The following VPS53 variants were observed in gnomAD, a reference collection of about 807,000 sequenced individuals.
VPS53 encodes vacuolar protein sorting-associated protein 53 homolog.
VPS53 carries 70 observed loss-of-function variants against 107.0 expected under a neutral mutation model. The ratio of observed to expected loss-of-function variants is 0.65; its 90% CI spans 0.54 to 0.80. VPS53 has a LOEUF of 0.80. Ranked by LOEUF, VPS53 falls within the 30% of genes least tolerant of loss-of-function variation. The pLI, the probability that VPS53 is intolerant of heterozygous loss-of-function variation, is 0.00. For synonymous variants in VPS53, 409 were observed against 393.3 expected, an observed-to-expected ratio of 1.04 and a Z score of -0.47; for missense variants, 917 against 1,049.4, an observed-to-expected ratio of 0.87 and a Z score of 1.74.
At chr17:647,646 G>GT (rs746819202) in intron 7 of VPS53, among the ~76,000 whole-genome samples, 4 of 152,146 alleles carry the variant, frequency 2.6e-5, no homozygotes, top group Non-Finnish European at 4.4e-5. Context: ...GTCTGATAAG[G>GT]TGATCAGCTG....
In VPS53 at chr17:516,290, G is replaced by T. The variant is rs1331398425; in HGVS notation, c.*2838C>A. 1.3e-5 allele frequency: 2 copies of T among 152,064 alleles called. No homozygotes were observed. The highest frequency in any genetic ancestry group is 2.9e-5 in the Non-Finnish European group (2 of 68,010). 9.4% of individuals were successfully genotyped at this position (152,064 alleles called of 1,614,324 possible). A position where few individuals can be genotyped will look rare whatever the true frequency, so the allele number is the denominator to read the frequency against. On this transcript the variant is annotated 3_prime_UTR_variant, in exon 22 of 22. Coordinates refer to ENST00000437048, the MANE Select transcript of VPS53 (RefSeq NM_001128159.3). ...CAGTGGTTCTTAACAAGGTGTAAAC[G>T]TTATAACTACCTATGGAACTTTTAA...
chr17:595,975 G>A (rs926014186), intron 12 of VPS53, among the ~76,000 whole-genome samples: 2 of 151,456 alleles, frequency 1.3e-5, no homozygotes, highest in African/African-American at 4.9e-5. Context: ...TCCCCCTGGA[G>A]GAAGCTGGGA....
Position 599,770 on chromosome 17 carries a change from AAAAAACAAAAAC to A in VPS53, c.1218+2013_1218+2024del, listed in dbSNP as rs1218178121. On this transcript the variant is annotated intron_variant, in intron 12 of 21. Transcript: ENST00000437048. ...CAATAAAAAATAAATAAATTAAAAA[AAAAAACAAAAAC>A]AAAATGACTTGCGATAAAACTGCTC... 5.8e-5 allele frequency among the ~76,000 whole-genome samples: 8 copies of A among 137,302 alleles called. No individual in the cohort carries two copies. In the South Asian group the frequency reaches 1.8e-3, roughly 31 times the overall value. 90.1% of individuals were successfully genotyped at this position (137,302 alleles called of 152,430 possible). A position where few individuals can be genotyped will look rare whatever the true frequency, so the allele number is the denominator to read the frequency against.
At chr17:603,196 G>A (rs919614457) in intron 11 of VPS53, among the ~76,000 whole-genome samples, 9 of 152,078 alleles carry the variant, frequency 5.9e-5, no homozygotes, top group Non-Finnish European at 1.0e-4. Context: ...AGGCTGAGGC[G>A]GCGGATCACT....
At chr17:706,296 T>C (rs1322391511) in intron 2 of VPS53, among the ~76,000 whole-genome samples, 1 of 152,086 alleles carries the variant, frequency 6.6e-6, no homozygotes, top group African/African-American at 2.4e-5. Flanking sequence ...CCCAGCACTT[T>C]GGGAGGTCAA....
At chr17:539,519 GA>G (rs1423109830) in intron 17 of VPS53, among the ~76,000 whole-genome samples, 1 of 152,298 alleles carries the variant, frequency 6.6e-6, no homozygotes, top group East Asian at 1.9e-4. Context: ...TAAAGTACTA[GA>G]AAACAATAAA....
rs1188509631 is a variant in VPS53, at chr17:519,256, G to A, written c.2371C>T (p.Arg791Cys). The A allele has an allele frequency of 6.5e-6, 10 of 1,538,966 alleles. No individual in the cohort carries two copies. The highest frequency in any genetic ancestry group is 2.5e-5 in the East Asian group (1 of 40,796). Reference protein sequence around the residue: ...SEQSSMLELLRQRLPAPPSGA... With the variant: ...SEQSSMLELLCQRLPAPPSGA... ...GAGGGCGGTGCGGGGAGCCGCTGGC[G>A]CAGGAGTTCCAGCATGCTGCTCTGC... The change falls in exon 22 of 22, where the codon CGC (arginine) becomes TGC (cysteine). Residue 791 changes from arginine to cysteine, a missense_variant. By Grantham distance (180) the Arg-to-Cys change is radical. Transcript: ENST00000437048. The surrounding 1 kb of genome is among the most constrained non-coding windows in gnomAD (Gnocchi z 5.0).
chr17:580,655 G>C (rs555602848), intron 13 of VPS53, among the ~76,000 whole-genome samples: 2 of 149,344 alleles, frequency 1.3e-5, no homozygotes, highest in African/African-American at 5.0e-5. Flanking sequence ...AGGACAGAAT[G>C]CGTTCCTAGA....
intron 11 of VPS53, among the ~76,000 whole-genome samples, chr17:621,302 T>A (rs1020992834): frequency 7.9e-5 from 12 of 152,236 alleles, no homozygotes; most frequent in Non-Finnish European, 1.0e-4. Context: ...TCTCACAGTA[T>A]GGATGCACTG....
chr17:694,269 C>T (rs540435012), intron 4 of VPS53, among the ~76,000 whole-genome samples: 14 of 152,280 alleles, frequency 9.2e-5, no homozygotes, highest in African/African-American at 3.4e-4. Context: ...CTGTGAAATA[C>T]GACCTGCTCT....
Position 602,034 on chromosome 17 carries a change from C to A in VPS53, c.1117-138G>T, listed in dbSNP as rs374430258. 2.1e-3 allele frequency: 1,122 copies of A among 525,504 alleles called. 34 individuals are homozygous for A. In the South Asian group the frequency reaches 0.047, roughly 22 times the overall value. The allele number at this position is 525,504 out of a possible 1,614,324, so 32.6% of individuals were successfully genotyped here. On this transcript the variant is annotated intron_variant, in intron 11 of 21. Coordinates refer to ENST00000437048, the MANE Select transcript of VPS53 (RefSeq NM_001128159.3). ...TAAAGAAGAACTGAGGCAACCCAGA[C>A]CACATTCTTGCCTCCGGGCCTTCAC...
intron 4 of VPS53, among the ~76,000 whole-genome samples, chr17:693,083 G>A (rs1051485867): frequency 6.6e-5 from 10 of 151,904 alleles, no homozygotes; most frequent in Non-Finnish European, 7.4e-5. Context: ...GCAGTAAGCC[G>A]AGATCACACC....
chr17:512,673 T>C lies in VPS53; in HGVS notation c.*6455A>G, dbSNP rs1028114315. On this transcript the variant is annotated 3_prime_UTR_variant, in exon 22 of 22. Coordinates refer to ENST00000437048, the MANE Select transcript of VPS53 (RefSeq NM_001128159.3). ...ACGAGGTAATGATCCTGGAGCCTAA[T>C]GGAAGGGCCGCAGCCAGTTTTCCCC... is the stretch of plus-strand genomic sequence containing the variant. 2 of 152,198 alleles carry C rather than the reference T, an allele frequency of 1.3e-5. No individual in the cohort carries two copies. Among genetic ancestry groups the C allele is most frequent in the African/African-American group, 4.8e-5 (2 of 41,444 alleles). 9.4% of individuals were successfully genotyped at this position (152,198 alleles called of 1,614,324 possible). A position where few individuals can be genotyped will look rare whatever the true frequency, so the allele number is the denominator to read the frequency against.
chr17:532,738 C>T, intron 19 of VPS53, 104 bp downstream of exon 19: 1 of 1,526,622 alleles, frequency 6.6e-7, no homozygotes, highest in South Asian at 1.2e-5. Flanking sequence ...AAACAGGGGA[C>T]ATCATCAATT....
chr17:544,164 AG>A (rs1480791092), intron 17 of VPS53, among the ~76,000 whole-genome samples: 1 of 152,150 alleles, frequency 6.6e-6, no homozygotes. Flanking sequence ...ACTGTAGAAA[AG>A]TCCTGGTGTC....
At chr17:610,610 T>C (rs1332324058) in intron 11 of VPS53, among the ~76,000 whole-genome samples, 8 of 152,054 alleles carry the variant, frequency 5.3e-5, no homozygotes, top group South Asian at 2.1e-4. Flanking sequence ...TGATACATGA[T>C]AAAATATCTA....
chr17:534,007 T>C (rs1053695058), intron 18 of VPS53, among the ~76,000 whole-genome samples: 2 of 152,002 alleles, frequency 1.3e-5, no homozygotes, highest in African/African-American at 4.8e-5. Context: ...ACCCAGCTAA[T>C]TTTTGTATTT....
intron 12 of VPS53, among the ~76,000 whole-genome samples, chr17:588,316 C>G (rs1216982895): frequency 6.9e-6 from 1 of 145,066 alleles, no homozygotes; most frequent in Non-Finnish European, 1.6e-5. Context: ...GACTCCATTT[C>G]AAAAACAAAC....
chr17:540,920 A>G (rs1910587049), intron 17 of VPS53, among the ~76,000 whole-genome samples: 1 of 152,208 alleles, frequency 6.6e-6, no homozygotes, highest in Admixed American at 6.5e-5. Context: ...GAGAGAGTCT[A>G]CTGTAGCAGG....
Sources: gnomAD v4.1 joint callset for allele counts (sites outside exome capture counted in the v4.1 genomes callset) on GRCh38, gnomAD v4.1.1 for gene constraint, Gnocchi (gnomAD v3.1) non-coding constraint, MANE v1.5 for transcripts, NCBI Gene and HGNC (gene_info 2026-07-23, HGNC 2026-07-21) for gene names.